The following ASIC2 variants were observed in gnomAD, a reference collection of about 807,000 sequenced individuals.
The protein encoded by ASIC2 is acid sensing ion channel subunit 2.
A neutral mutation model predicts 57.3 loss-of-function variants in ASIC2; 25 were observed. The observed-to-expected ratio is 0.44, with a 90% CI of 0.32 to 0.61. The LOEUF is 0.61. ASIC2 is among the 20% of genes least tolerant of loss of function. The pLI, the probability that ASIC2 is intolerant of heterozygous loss-of-function variation, is 0.06. For missense variants in ASIC2, 641 were observed against 738.1 expected, an observed-to-expected ratio of 0.87 and a Z score of 1.52; for synonymous variants, 319 against 307.5, an observed-to-expected ratio of 1.04 and a Z score of -0.39.
intron 1 of ASIC2, among the ~76,000 whole-genome samples, chr17:34,060,599 A>C (rs1430233817): frequency 6.6e-6 from 1 of 152,196 alleles, no homozygotes; most frequent in African/African-American, 2.4e-5. Flanking sequence ...AAAAAAAATG[A>C]TACAAGAAGT....
intron 1 of ASIC2, among the ~76,000 whole-genome samples, chr17:33,369,185 G>A (rs1908944514): frequency 6.6e-6 from 1 of 152,118 alleles, no homozygotes; most frequent in African/African-American, 2.4e-5. Context: ...TTTCCAGGAG[G>A]GTCACCAAGA....
At chr17:33,505,237 T>A (rs1250118183) in intron 1 of ASIC2, among the ~76,000 whole-genome samples, 1 of 150,268 alleles carries the variant, frequency 6.7e-6, no homozygotes, top group Non-Finnish European at 1.5e-5. Flanking sequence ...GCAACAAGAG[T>A]GAGACCCAAT....
At chr17:33,315,171 T>A (rs926147943) in intron 1 of ASIC2, among the ~76,000 whole-genome samples, 2 of 152,156 alleles carry the variant, frequency 1.3e-5, no homozygotes, top group Admixed American at 1.3e-4. Flanking sequence ...AAATGTGATG[T>A]GGTATGTCAC....
At chr17:33,776,797 A>G (rs1391977479) in intron 1 of ASIC2, among the ~76,000 whole-genome samples, 1 of 152,170 alleles carries the variant, frequency 6.6e-6, no homozygotes, top group African/African-American at 2.4e-5. Flanking sequence ...GGGCTTCGTG[A>G]TAGAATTTGA....
chr17:33,521,469 C>T (rs12950769), intron 1 of ASIC2, among the ~76,000 whole-genome samples: 5,712 of 152,114 alleles, frequency 0.038, 315 homozygotes, highest in African/African-American at 0.12. Flanking sequence ...TCTGATGCGG[C>T]CAACGCCCCC....
At chr17:33,521,316 G>A (rs1914735335) in intron 1 of ASIC2, among the ~76,000 whole-genome samples, 1 of 152,188 alleles carries the variant, frequency 6.6e-6, no homozygotes, top group African/African-American at 2.4e-5. Flanking sequence ...TCTGCAGGGG[G>A]AGGTGGGAGG....
intron 3 of ASIC2, among the ~76,000 whole-genome samples, chr17:33,034,198 C>T (rs2091898906): frequency 6.6e-6 from 1 of 152,198 alleles, no homozygotes; most frequent in South Asian, 2.1e-4. Context: ...TCTTTTTCTT[C>T]TTCTCCCTTC....
rs191130861 is a variant in ASIC2, at chr17:33,222,309, G to T, written c.708+69099C>A. Reference sequence around the variant, plus strand: ...GATGAACCTCTAAAACGTTATAAGTGAAAGAAGTCAGACACAAAAGGTCAC... The same window carrying T: ...GATGAACCTCTAAAACGTTATAAGTTAAAGAAGTCAGACACAAAAGGTCAC... On this transcript the variant is annotated intron_variant, in intron 1 of 9. Transcript: ENST00000225823. Among the ~76,000 whole-genome samples the T allele has an allele frequency of 2.6e-3, 393 of 152,300 alleles. 1 individual carries two copies. The highest frequency in any genetic ancestry group is 4.6e-3 in the Non-Finnish European group (313 of 68,022).
chr17:34,053,611 A>G (rs2142055417), intron 1 of ASIC2, among the ~76,000 whole-genome samples: 1 of 152,328 alleles, frequency 6.6e-6, no homozygotes, highest in Non-Finnish European at 1.5e-5. Context: ...CTGCCCAATT[A>G]ACCTGTGTGA....
intron 1 of ASIC2, among the ~76,000 whole-genome samples, chr17:33,179,286 G>A (rs1322786557): frequency 6.6e-6 from 1 of 152,152 alleles, no homozygotes; most frequent in Non-Finnish European, 1.5e-5. Flanking sequence ...GTGGCTGGCA[G>A]TTAGAGGACG....
In ASIC2 at chr17:33,169,692, G is replaced by A. The variant is rs186297622; in HGVS notation, c.709-57625C>T. The stretch of plus-strand genomic sequence containing the variant: ...TCTTGCAGTGTTTGAGCTCATGGAG[G>A]TGACTCTATGAAGCTCCAGAGTCAA... On this transcript the variant is annotated intron_variant, in intron 1 of 9. Coordinates refer to ENST00000225823, the MANE Select transcript of ASIC2 (RefSeq NM_183377.2). Among the ~76,000 whole-genome samples, 591 of 152,278 alleles carry A rather than the reference G, an allele frequency of 3.9e-3. 8 individuals are homozygous for A. Among genetic ancestry groups the A allele is most frequent in the African/African-American group, 0.012 (478 of 41,556 alleles).
At chr17:33,109,689 C>T (rs77535514) in intron 2 of ASIC2, among the ~76,000 whole-genome samples, 2,109 of 151,930 alleles carry the variant, frequency 0.014, 26 homozygotes, top group Middle Eastern at 0.031. Context: ...TGTGACAAGT[C>T]CTTAATCAAG....
At chr17:33,256,067 T>C (rs536647417) in intron 1 of ASIC2, among the ~76,000 whole-genome samples, 2 of 152,304 alleles carry the variant, frequency 1.3e-5, no homozygotes, top group South Asian at 2.1e-4. Flanking sequence ...CTAATTACCA[T>C]GGATTTGAGT....
At chr17:33,340,924 G>A (rs1200658569) in intron 1 of ASIC2, among the ~76,000 whole-genome samples, 3 of 152,156 alleles carry the variant, frequency 2.0e-5, no homozygotes, top group Admixed American at 2.0e-4. Context: ...GAGCCCAAGA[G>A]TTATTGCCTC....
chr17:33,744,393 C>T (rs1356957575), intron 1 of ASIC2, among the ~76,000 whole-genome samples: 1 of 152,188 alleles, frequency 6.6e-6, no homozygotes, highest in Non-Finnish European at 1.5e-5. Flanking sequence ...GATAGTTTAA[C>T]AGACAGATTA....
At chr17:33,727,555 A>C (rs1223899434) in intron 1 of ASIC2, among the ~76,000 whole-genome samples, 2 of 152,118 alleles carry the variant, frequency 1.3e-5, no homozygotes, top group African/African-American at 2.4e-5. Context: ...AGTGCTCACA[A>C]GAACTGGTTC....
intron 1 of ASIC2, among the ~76,000 whole-genome samples, chr17:34,086,883 A>C (rs920171758): frequency 6.6e-6 from 1 of 151,476 alleles, no homozygotes; most frequent in Non-Finnish European, 1.5e-5. Context: ...TTTGTTTTCC[A>C]TTTGCTTGGT....
intron 1 of ASIC2, among the ~76,000 whole-genome samples, chr17:34,009,405 T>G (rs1235496397): frequency 6.6e-6 from 1 of 152,210 alleles, no homozygotes; most frequent in Non-Finnish European, 1.5e-5. Flanking sequence ...GCTGTCAATG[T>G]AAAATACTTA....
chr17:34,112,608 C>T (rs141710277), intron 1 of ASIC2, among the ~76,000 whole-genome samples: 38 of 152,302 alleles, frequency 2.5e-4, no homozygotes, highest in Admixed American at 7.8e-4. Context: ...TTCACCAACA[C>T]GGAATGCCTT....
Sources: gnomAD v4.1 joint callset for allele counts (sites outside exome capture counted in the v4.1 genomes callset) on GRCh38, gnomAD v4.1.1 for gene constraint, MANE v1.5 for transcripts, NCBI Gene and HGNC (gene_info 2026-07-23, HGNC 2026-07-21) for gene names.